Variants in EYS observed in about 807,000 individuals in gnomAD.
EYS encodes EGF-like photoreceptor maintenance factor.
Under a neutral mutation model 282.1 loss-of-function variants are expected in EYS, and 250 were observed. The observed-to-expected ratio is 0.89, with a 90% CI of 0.80 to 0.98. The LOEUF (loss-of-function observed/expected upper bound fraction) is 0.98. Ranked by LOEUF, EYS falls within the 50% of genes least tolerant of loss-of-function variation. EYS has a pLI of 0.00. For synonymous variants in EYS, 1,355 were observed against 1,282.9 expected, an observed-to-expected ratio of 1.06 and a Z score of -1.20; for missense variants, 4,016 against 3,709.0, an observed-to-expected ratio of 1.08 and a Z score of -2.15.
intron 14 of EYS, among the ~76,000 whole-genome samples, chr6:64,958,345 G>A (rs1351533266): frequency 6.6e-6 from 1 of 152,092 alleles, no homozygotes; most frequent in Admixed American, 6.5e-5. Flanking sequence ...TCGCGCCACT[G>A]CACTCCAGCC....
chr6:64,223,865 T>C (rs532230264), intron 31 of EYS, among the ~76,000 whole-genome samples: 1 of 152,082 alleles, frequency 6.6e-6, no homozygotes, highest in African/African-American at 2.4e-5. Context: ...CCAGTGTGCA[T>C]GCATACATGT....
intron 12 of EYS, among the ~76,000 whole-genome samples, chr6:65,146,832 G>A (rs1273566094): frequency 6.6e-6 from 1 of 151,922 alleles, no homozygotes; most frequent in African/African-American, 2.4e-5. Flanking sequence ...CCATTTATCA[G>A]TTTAATTTTT....
intron 29 of EYS, among the ~76,000 whole-genome samples, chr6:64,372,972 A>G (rs2150415007): frequency 6.6e-6 from 1 of 152,220 alleles, no homozygotes; most frequent in Non-Finnish European, 1.5e-5. Context: ...ATACTGTTTT[A>G]TTGTAATCCT....
At chr6:64,090,833 G>C (rs1198688061) in intron 31 of EYS, among the ~76,000 whole-genome samples, 1 of 151,956 alleles carries the variant, frequency 6.6e-6, no homozygotes, top group Non-Finnish European at 1.5e-5. Flanking sequence ...TCTTCACTTG[G>C]AATGCCATCT....
At chr6:64,302,655 G>A (rs910750646) in intron 30 of EYS, among the ~76,000 whole-genome samples, 2 of 152,016 alleles carry the variant, frequency 1.3e-5, no homozygotes, top group Non-Finnish European at 2.9e-5. Flanking sequence ...GCCATAGAAC[G>A]TGCCCACTCC....
intron 12 of EYS, among the ~76,000 whole-genome samples, chr6:65,220,932 C>T (rs1300849838): frequency 2.0e-5 from 3 of 152,102 alleles, no homozygotes; most frequent in African/African-American, 7.2e-5. Flanking sequence ...ACACTGGTGA[C>T]GTTTTAACCC....
rs1286173421 is a variant in EYS, at chr6:64,902,133, T to A, written c.2826A>T (p.Thr942=). The A allele has an allele frequency of 6.5e-7, 1 of 1,546,606 alleles. No individual in the cohort carries two copies. Among genetic ancestry groups the A allele is most frequent in the Admixed American group, 2.0e-5 (1 of 50,214 alleles). The change falls in exon 18 of 43, where the codon ACA becomes ACT. Residue 942 remains threonine, a synonymous_variant. Coordinates refer to ENST00000503581, the MANE Select transcript of EYS (RefSeq NM_001142800.2). ...CSSEPCKNNG[T]CVDLTNRFFC... Reference sequence around the variant, plus strand: ...CTCACCTGTTTGTCAGATCCACACATGTTCCATTATTTTTGCAAGGTTCAG... The same window carrying A: ...CTCACCTGTTTGTCAGATCCACACAAGTTCCATTATTTTTGCAAGGTTCAG...
chr6:63,798,963 GTATA>G (rs1231377496), intron 37 of EYS, among the ~76,000 whole-genome samples: 1 of 110,910 alleles, frequency 9.0e-6, no homozygotes, highest in Non-Finnish European at 1.8e-5. Flanking sequence ...ATGTATATGT[GTATA>G]TATATATATG....
intron 31 of EYS, among the ~76,000 whole-genome samples, chr6:64,206,096 A>T (rs1335595883): frequency 6.6e-6 from 1 of 152,136 alleles, no homozygotes; most frequent in Non-Finnish European, 1.5e-5. Flanking sequence ...CTCACTTTTA[A>T]AAAGGAACAC....
intron 15 of EYS, among the ~76,000 whole-genome samples, chr6:64,941,317 T>C (rs1329540310): frequency 3.3e-5 from 5 of 151,920 alleles, no homozygotes; most frequent in Non-Finnish European, 5.9e-5. Flanking sequence ...GAGGTGGAGG[T>C]TGCAGTGAGC....
chr6:64,686,804 T>C lies in EYS; in HGVS notation c.3444-60559A>G, dbSNP rs1322169906. ...ATATATATATGTGTGTATATATATA[T>C]GTGTGTATATATATATGTGTATATA... On this transcript the variant is annotated intron_variant, in intron 22 of 42. Coordinates refer to ENST00000503581, the MANE Select transcript of EYS (RefSeq NM_001142800.2). 2.1e-4 allele frequency among the ~76,000 whole-genome samples: 10 copies of C among 47,320 alleles called. 2 individuals are homozygous for C. Among genetic ancestry groups the C allele is most frequent in the African/African-American group, 5.4e-4 (7 of 13,046 alleles). 31.0% of individuals were successfully genotyped at this position (47,320 alleles called of 152,430 possible).
At chr6:65,270,135 A>C (rs914462012) in intron 12 of EYS, among the ~76,000 whole-genome samples, 5 of 152,184 alleles carry the variant, frequency 3.3e-5, no homozygotes, top group African/African-American at 1.2e-4. Context: ...GAAACCAAAC[A>C]AATTGTGTGC....
At chr6:64,702,362 A>G (rs2039507) in intron 22 of EYS, among the ~76,000 whole-genome samples, 103,309 of 151,882 alleles carry the variant, frequency 0.68, 36,201 homozygotes, top group Middle Eastern at 0.78. Context: ...TAGGACCAAG[A>G]CAAAGAAGAC....
chr6:65,127,528 A>G (rs529476806), intron 12 of EYS, among the ~76,000 whole-genome samples: 3 of 152,180 alleles, frequency 2.0e-5, no homozygotes, highest in Non-Finnish European at 4.4e-5. Context: ...TAATATAACC[A>G]TAATTATAAA....
At chr6:64,227,524 C>T (rs1044959469) in intron 31 of EYS, among the ~76,000 whole-genome samples, 6 of 152,006 alleles carry the variant, frequency 3.9e-5, no homozygotes, top group African/African-American at 1.2e-4. Context: ...CCCATTTCTA[C>T]CATGTACAGA....
chr6:65,500,902 T>C (rs1359857673), intron 2 of EYS, among the ~76,000 whole-genome samples: 1 of 151,938 alleles, frequency 6.6e-6, no homozygotes, highest in Non-Finnish European at 1.5e-5. Flanking sequence ...AAGTGCATTG[T>C]GGATTACGCT....
intron 22 of EYS, among the ~76,000 whole-genome samples, chr6:64,776,962 C>T (rs1006648094): frequency 3.9e-5 from 6 of 152,106 alleles, no homozygotes; most frequent in African/African-American, 9.7e-5. Context: ...ACTCACAGTT[C>T]GGCATGGCTG....
At position 64,288,037 on chromosome 6, in the gene EYS, T is replaced by C. The variant is rs147970888; in HGVS notation, c.6191+18933A>G. Among the ~76,000 whole-genome samples, 34 of 152,268 alleles carry C rather than the reference T, an allele frequency of 2.2e-4. No individual in the cohort carries two copies. In the East Asian group the frequency reaches 6.4e-3, roughly 29 times the overall value. On this transcript the variant is annotated intron_variant, in intron 30 of 42. Coordinates refer to ENST00000503581, the MANE Select transcript of EYS (RefSeq NM_001142800.2). ...CTGTGAAGAACATTACTGTCACTGA[T>C]ATATGAAACTCATTTGCAAAAGGGG...
chr6:64,803,155 C>G (rs1008071907), intron 22 of EYS, among the ~76,000 whole-genome samples: 3 of 152,140 alleles, frequency 2.0e-5, no homozygotes, highest in Non-Finnish European at 4.4e-5. Flanking sequence ...TTAGGAGGCC[C>G]GAAGTGGGTA....
Sources: gnomAD v4.1 joint callset for allele counts (sites outside exome capture counted in the v4.1 genomes callset) on GRCh38, gnomAD v4.1.1 for gene constraint, MANE v1.5 for transcripts, NCBI Gene and HGNC (gene_info 2026-07-23, HGNC 2026-07-21) for gene names.